Variants in GTF2IRD1 observed in about 807,000 individuals in gnomAD.
GTF2IRD1 encodes general transcription factor II-I repeat domain-containing protein 1.
GTF2IRD1 carries 26 observed loss-of-function variants against 113.2 expected under a neutral mutation model. That is an observed-to-expected ratio of 0.23 (90% CI 0.17 to 0.32). GTF2IRD1 has a LOEUF of 0.32. GTF2IRD1 is among the 10% of genes least tolerant of loss of function. GTF2IRD1 has a pLI of 1.00. For synonymous variants in GTF2IRD1, 484 were observed against 529.1 expected, an observed-to-expected ratio of 0.91 and a Z score of 1.17; for missense variants, 864 against 1,280.8, an observed-to-expected ratio of 0.67 and a Z score of 4.97.
chr7:74,576,099 G>A (rs1433272076), intron 22 of GTF2IRD1, among the ~76,000 whole-genome samples: 3 of 151,918 alleles, frequency 2.0e-5, no homozygotes, highest in Non-Finnish European at 4.4e-5. Flanking sequence ...AGGTCAGGCT[G>A]CAGTGAGCCA....
chr7:74,540,754 G>A (rs1255680130), intron 14 of GTF2IRD1, among the ~76,000 whole-genome samples: 1 of 151,860 alleles, frequency 6.6e-6, no homozygotes, highest in Non-Finnish European at 1.5e-5. Flanking sequence ...TTCAAGATCA[G>A]CCTGGGCAAC....
chr7:74,469,266 G>C (rs1793940324), intron 1 of GTF2IRD1, among the ~76,000 whole-genome samples: 1 of 151,948 alleles, frequency 6.6e-6, no homozygotes, highest in South Asian at 2.1e-4. Context: ...TACCATGTTG[G>C]ATTTTCTTTT....
intron 7 of GTF2IRD1, among the ~76,000 whole-genome samples, chr7:74,521,719 A>C (rs781801057): frequency 6.6e-6 from 1 of 152,166 alleles, no homozygotes; most frequent in Non-Finnish European, 1.5e-5. Context: ...CTGTGATCGC[A>C]CCACTGCACT....
At chr7:74,534,339 C>T (rs1349164340) in intron 9 of GTF2IRD1, among the ~76,000 whole-genome samples, 1 of 151,966 alleles carries the variant, frequency 6.6e-6, no homozygotes, top group Non-Finnish European at 1.5e-5. Context: ...CCGTGGGTCA[C>T]GCCTGTAATC....
chr7:74,564,029 TG>T (rs1210360886), intron 22 of GTF2IRD1, among the ~76,000 whole-genome samples: 4 of 152,034 alleles, frequency 2.6e-5, no homozygotes, highest in African/African-American at 7.2e-5. Flanking sequence ...TGTTTTGTTT[TG>T]TTTTTTTGTT....
At chr7:74,574,864 G>A (rs372955315) in intron 22 of GTF2IRD1, among the ~76,000 whole-genome samples, 1 of 151,840 alleles carries the variant, frequency 6.6e-6, no homozygotes. Flanking sequence ...TGAGGTGGGC[G>A]GATCACCTAA....
chr7:74,599,609 C>T (rs960226755), intron 25 of GTF2IRD1, among the ~76,000 whole-genome samples: 2 of 152,164 alleles, frequency 1.3e-5, no homozygotes, highest in African/African-American at 2.4e-5. Flanking sequence ...CACTGGGGCA[C>T]TGCCTGTCTA....
At chr7:74,575,461 G>C (rs1490366811) in intron 22 of GTF2IRD1, among the ~76,000 whole-genome samples, 2 of 152,218 alleles carry the variant, frequency 1.3e-5, no homozygotes, top group Non-Finnish European at 2.9e-5. Flanking sequence ...CTGAGCAGAG[G>C]GTAACAGGAT....
rs1452383309 is a variant in GTF2IRD1 at position 74,544,505 on chromosome 7, C to T, written c.1619-250C>T. Among the ~76,000 whole-genome samples the T allele has an allele frequency of 3.3e-5, 5 of 152,290 alleles. No individual in the cohort carries two copies. The East Asian group carries it at 9.7e-4, about 29-fold the overall frequency. ...CCAGCCGAGGACTTTGTCTTGTTCC[C>T]ACGTGTCCTCAGTGTCTAGAACAGA... On this transcript the variant is annotated intron_variant, in intron 14 of 26. Coordinates refer to ENST00000424337, the MANE Select transcript of GTF2IRD1 (RefSeq NM_005685.4).
At chr7:74,551,314 G>A (rs1799292870) in intron 17 of GTF2IRD1, among the ~76,000 whole-genome samples, 1 of 152,152 alleles carries the variant, frequency 6.6e-6, no homozygotes, top group African/African-American at 2.4e-5. Flanking sequence ...CTGCACTCCA[G>A]CCTGGGCGAC....
At position 74,555,261 on chromosome 7, in the gene GTF2IRD1, G is replaced by C. The variant is rs782728170; in HGVS notation, c.1966+38G>C. On this transcript the variant is annotated intron_variant, in intron 18 of 26. Transcript: ENST00000424337. This position sits in a 1 kb window ranked among gnomAD's most constrained non-coding sequence, Gnocchi z 5.3. ...GGGTCGGGAGCCATGGTGTGGGCGG[G>C]CAAGGGAGGGCCCCAGGCCTCTGCC... is the stretch of plus-strand genomic sequence containing the variant. The C allele has an allele frequency of 1.3e-5, 21 of 1,590,922 alleles. No homozygotes were observed. The East Asian group carries it at 4.7e-4, about 36-fold the overall frequency.
intron 1 of GTF2IRD1, among the ~76,000 whole-genome samples, chr7:74,480,115 A>G (rs1554334338): frequency 6.7e-6 from 1 of 149,970 alleles, no homozygotes; most frequent in African/African-American, 2.4e-5. Flanking sequence ...TGTAACCATC[A>G]CTCAGCTCAA....
rs2130542164 is a variant in GTF2IRD1, at chr7:74,536,221, A to T, written c.1355A>T (p.Asp452Val). 1.2e-6 allele frequency: 2 copies of T among 1,613,580 alleles called. No individual in the cohort carries two copies. The highest frequency in any genetic ancestry group is 1.7e-6 in the Non-Finnish European group (2 of 1,179,600). Residue 452 changes from aspartate (D) to valine (V), a missense_variant, in exon 11 of 27, where the codon GAC becomes GTC. Asp to Val is a radical substitution (Grantham distance 152, BLOSUM62 -3). Transcript: ENST00000424337. ...CTGGAGCCAGCCAGCCCGCCAGAGGACACCTCTGCAGAGGTCTCTAGGGCC... is the reference window on the plus strand; with the variant it reads ...CTGGAGCCAGCCAGCCCGCCAGAGGTCACCTCTGCAGAGGTCTCTAGGGCC... ...TKLEPASPPEDTSAEVSRATV... is the reference protein window; with the variant it reads ...TKLEPASPPEVTSAEVSRATV...
intron 10 of GTF2IRD1, among the ~76,000 whole-genome samples, chr7:74,535,473 T>C (rs189743478): frequency 4.6e-5 from 7 of 152,280 alleles, no homozygotes; most frequent in Admixed American, 2.6e-4. Flanking sequence ...AACAATCCTA[T>C]GAAGGTGGCT....
chr7:74,546,728 G>A lies in GTF2IRD1; in HGVS notation c.1733-375G>A, dbSNP rs587630300. Among the ~76,000 whole-genome samples the A allele has an allele frequency of 2.0e-5, 3 of 151,292 alleles. No homozygotes were observed. In the Admixed American group the frequency reaches 2.0e-4, roughly 10 times the overall value. On this transcript the variant is annotated intron_variant, in intron 16 of 26. Transcript: ENST00000424337. ...TGGTGGCAGGAGGGACACTCGGGGG[G>A]CCTTACTGGAAGGGCGAGGCCCAGT...
chr7:74,602,528 G>T lies in GTF2IRD1; in HGVS notation c.*95G>T. ...TTCGGATATGTATCGATGCCTTTTAGTTTTTCCAATGATTTTTACACTATA... is the reference window on the plus strand; with the variant it reads ...TTCGGATATGTATCGATGCCTTTTATTTTTTCCAATGATTTTTACACTATA... On this transcript the variant is annotated 3_prime_UTR_variant, in exon 27 of 27. Transcript: ENST00000424337. The T allele has an allele frequency of 6.3e-6, 6 of 955,796 alleles. No homozygotes were observed. The highest frequency in any genetic ancestry group is 3.4e-5 in the South Asian group (2 of 58,410). 59.2% of individuals were successfully genotyped at this position (955,796 alleles called of 1,614,324 possible).
At chr7:74,504,897 G>A (rs189144348) in intron 1 of GTF2IRD1, among the ~76,000 whole-genome samples, 3 of 151,754 alleles carry the variant, frequency 2.0e-5, no homozygotes, top group Non-Finnish European at 2.9e-5. Flanking sequence ...TAGTAGAGAC[G>A]GGGTTTCACC....
chr7:74,594,964 G>A (rs1802317397), intron 24 of GTF2IRD1, 50 bp from the exon 25 acceptor site: 1 of 1,397,058 alleles, frequency 7.2e-7, no homozygotes, highest in African/African-American at 1.4e-5. Flanking sequence ...AAAAATAAAG[G>A]AGGGGAAAAC....
At chr7:74,552,507 ACT>A (rs1402872245) in intron 17 of GTF2IRD1, among the ~76,000 whole-genome samples, 1 of 151,882 alleles carries the variant, frequency 6.6e-6, no homozygotes, top group Non-Finnish European at 1.5e-5. Flanking sequence ...CAAGAGCAAA[ACT>A]CTCTCTCAAA....
Sources: allele counts gnomAD v4.1 joint callset (sites outside exome capture counted in the v4.1 genomes callset), GRCh38; gene constraint gnomAD v4.1.1; non-coding constraint Gnocchi (gnomAD v3.1); transcripts MANE v1.5; gene names NCBI Gene and HGNC (gene_info 2026-07-23, HGNC 2026-07-21).